Variants in USH2A observed in about 807,000 individuals in gnomAD.
USH2A encodes the protein usherin, also known as Usher syndrome 2A (autosomal recessive, mild).
USH2A carries 443 observed loss-of-function variants against 538.9 expected under a neutral mutation model. The observed-to-expected ratio is 0.82, with a 90% confidence interval of 0.76 to 0.89. The LOEUF (loss-of-function observed/expected upper bound fraction) is 0.89. Among genes scored for constraint, USH2A ranks in the 40% least tolerant of loss-of-function variants. The pLI is 0.00. For synonymous variants in USH2A, 2,413 were observed against 2,273.5 expected (o/e 1.06, Z -1.75); for missense variants, 6,633 against 6,324.8 (o/e 1.05, Z -1.65).
intron 64 of USH2A, among the ~76,000 whole-genome samples, chr1:215,656,548 C>T (rs1372915942): frequency 6.6e-6 from 1 of 152,182 alleles, no homozygotes; most frequent in Non-Finnish European, 1.5e-5. Context: ...TACAAAAGAT[C>T]TCTAATCTGT....
At chr1:215,636,593 C>G (rs1347118987) in intron 69 of USH2A, among the ~76,000 whole-genome samples, 1 of 152,142 alleles carries the variant, frequency 6.6e-6, no homozygotes, top group Non-Finnish European at 1.5e-5. Flanking sequence ...GGCTGTAACT[C>G]CAGAAACTGA....
intron 22 of USH2A, among the ~76,000 whole-genome samples, chr1:216,094,917 G>A (rs571994670): frequency 6.6e-6 from 1 of 151,842 alleles, no homozygotes; most frequent in Non-Finnish European, 1.5e-5. Context: ...ACCTCACAGA[G>A]TTGTTGAAAA....
chr1:216,093,299 C>T (rs972498037), intron 22 of USH2A, among the ~76,000 whole-genome samples: 2 of 152,080 alleles, frequency 1.3e-5, no homozygotes, highest in African/African-American at 2.4e-5. Context: ...CTGGCACCTG[C>T]GGACTATGTA....
intron 56 of USH2A, among the ~76,000 whole-genome samples, chr1:215,764,155 G>T (rs1661062176): frequency 6.6e-6 from 1 of 152,072 alleles, no homozygotes; most frequent in Non-Finnish European, 1.5e-5. Context: ...TTTAGTATTT[G>T]GTAGCTCTCA....
chr1:216,411,956 T>A (rs2039497201), intron 3 of USH2A, among the ~76,000 whole-genome samples: 1 of 152,184 alleles, frequency 6.6e-6, no homozygotes, highest in Admixed American at 6.5e-5. Context: ...TTTGACCAAA[T>A]CATTCTTCAT....
rs146047301 is a variant in USH2A at position 215,703,315 on chromosome 1, C to T, written c.12067-22939G>A. ...TCAGGGACGCACTTGAGGAGGCAGT[C>T]TGTCCCTTAGCGGAGCTCAAGTGCT... On this transcript the variant is annotated intron_variant, in intron 61 of 71. Transcript: ENST00000307340. Among the ~76,000 whole-genome samples the T allele has an allele frequency of 4.3e-3, 649 of 152,318 alleles. 3 individuals carry two copies. The highest frequency in any genetic ancestry group is 0.015 in the African/African-American group (605 of 41,582).
At position 216,000,566 on chromosome 1, in the gene USH2A, G is replaced by A; in HGVS notation, c.6326-4C>T. 2.5e-6 allele frequency: 4 copies of A among 1,613,222 alleles called. No homozygotes were observed. The highest frequency in any genetic ancestry group is 3.4e-6 in the Non-Finnish European group (4 of 1,179,406). ...TGGGGTGTAAATACTGCTAAATCTAGGGGATAGGGAGAAACAAGAATTTAC... is the reference window on the plus strand; with the variant it reads ...TGGGGTGTAAATACTGCTAAATCTAAGGGATAGGGAGAAACAAGAATTTAC... On this transcript the variant is annotated splice_region_variant and splice_polypyrimidine_tract_variant and intron_variant, in intron 32 of 71. Transcript: ENST00000307340.
chr1:216,401,343 G>A (rs958613446), intron 3 of USH2A, among the ~76,000 whole-genome samples: 2 of 151,980 alleles, frequency 1.3e-5, no homozygotes, highest in Non-Finnish European at 2.9e-5. Context: ...ATGTGTTCAC[G>A]TAACCTACAG....
At chr1:215,711,554 G>A (rs1659337980) in intron 61 of USH2A, among the ~76,000 whole-genome samples, 1 of 152,180 alleles carries the variant, frequency 6.6e-6, no homozygotes, top group Middle Eastern at 3.4e-3. Flanking sequence ...ACATTTAACA[G>A]GAAAACTCCT....
intron 30 of USH2A, among the ~76,000 whole-genome samples, chr1:216,067,932 A>T (rs906592276): frequency 1.3e-5 from 2 of 152,166 alleles, no homozygotes; most frequent in African/African-American, 4.8e-5. Flanking sequence ...AAAATGAAAG[A>T]GAAAGAGAAG....
chr1:216,067,987 C>A (rs907484966), intron 30 of USH2A, among the ~76,000 whole-genome samples: 3 of 152,104 alleles, frequency 2.0e-5, no homozygotes, highest in Admixed American at 2.0e-4. Context: ...TTTTGTCACA[C>A]TTTAGAAGAA....
At chr1:216,150,294 A>T (rs2033806259) in intron 21 of USH2A, among the ~76,000 whole-genome samples, 1 of 152,052 alleles carries the variant, frequency 6.6e-6, no homozygotes, top group South Asian at 2.1e-4. Flanking sequence ...AAGTGGATAG[A>T]TGATCTTTGC....
chr1:215,767,592 T>A (rs1216384379), intron 55 of USH2A, among the ~76,000 whole-genome samples: 1 of 152,178 alleles, frequency 6.6e-6, no homozygotes, highest in Non-Finnish European at 1.5e-5. Flanking sequence ...GTTCAGTAAG[T>A]TTTCAGGGAG....
intron 11 of USH2A, among the ~76,000 whole-genome samples, chr1:216,267,554 C>T (rs1049896919): frequency 2.0e-5 from 3 of 152,014 alleles, no homozygotes; most frequent in Non-Finnish European, 2.9e-5. Flanking sequence ...AATAATGGAA[C>T]GGATGGGAGA....
intron 30 of USH2A, among the ~76,000 whole-genome samples, chr1:216,049,203 T>C (rs1410295475): frequency 1.3e-5 from 2 of 152,346 alleles, no homozygotes; most frequent in African/African-American, 4.8e-5. Flanking sequence ...CAAATTAACA[T>C]AGTTGAACAA....
chr1:215,653,946 A>G (rs1331713837), intron 64 of USH2A, among the ~76,000 whole-genome samples: 1 of 152,246 alleles, frequency 6.6e-6, no homozygotes, highest in African/African-American at 2.4e-5. Context: ...CAATGAACCC[A>G]TATAAAAATC....
chr1:216,011,027 G>A (rs1445654018), intron 32 of USH2A, among the ~76,000 whole-genome samples: 1 of 152,044 alleles, frequency 6.6e-6, no homozygotes, highest in Non-Finnish European at 1.5e-5. Context: ...ATTAAAGCCT[G>A]TTATCACCCG....
At chr1:216,131,753 TCTTCA>T (rs1275942212) in intron 21 of USH2A, among the ~76,000 whole-genome samples, 3 of 152,096 alleles carry the variant, frequency 2.0e-5, no homozygotes, top group Admixed American at 6.6e-5. Context: ...ATTTACTCAT[TCTTCA>T]CTTATTATCT....
chr1:215,910,094 T>C (rs1665739656), intron 38 of USH2A, among the ~76,000 whole-genome samples: 1 of 152,040 alleles, frequency 6.6e-6, no homozygotes, highest in Non-Finnish European at 1.5e-5. Flanking sequence ...AACATGCTTA[T>C]TGGCCATTTA....
Sources: allele counts gnomAD v4.1 joint callset (sites outside exome capture counted in the v4.1 genomes callset), GRCh38; gene constraint gnomAD v4.1.1; transcripts MANE v1.5; gene names NCBI Gene and HGNC (gene_info 2026-07-23, HGNC 2026-07-21).